USP31: variants seen among roughly 807,000 people sequenced by gnomAD.
The protein encoded by USP31 is ubiquitin carboxyl-terminal hydrolase 31.
Under a neutral mutation model 119.4 loss-of-function variants are expected in USP31, and 44 were observed. The observed-to-expected ratio is 0.37, with a 90% confidence interval of 0.29 to 0.47. USP31 has a LOEUF of 0.47. Among genes scored for constraint, USP31 ranks in the 20% least tolerant of loss-of-function variants. The pLI is 0.99. For missense variants in USP31, 1,643 were observed against 1,730.2 expected (o/e 0.95, Z 0.89); for synonymous variants, 749 against 705.6 (o/e 1.06, Z -0.97).
In USP31 at chr16:23,148,936, G is replaced by A. The variant is rs1471536718; in HGVS notation, c.335C>T (p.Ala112Val). 1.8e-6 allele frequency: 2 copies of A among 1,120,694 alleles called. No homozygotes were observed. The highest frequency in any genetic ancestry group is 1.7e-5 in the African/African-American group (1 of 59,852). 69.4% of individuals were successfully genotyped at this position (1,120,694 alleles called of 1,614,324 possible). A position where few individuals can be genotyped will look rare whatever the true frequency, so the allele number is the denominator to read the frequency against. ...PTPPPCPPPP[A>V]SPAPPACAAE... Reference sequence around the variant, plus strand: ...GGCGCAAGCGGGCGGCGCGGGAGAGGCGGGCGGCGGCGGGCACGGCGGCGG... The same window carrying A: ...GGCGCAAGCGGGCGGCGCGGGAGAGACGGGCGGCGGCGGGCACGGCGGCGG... Residue 112 changes from alanine to valine, a missense_variant, in exon 1 of 16, where the codon GCC becomes GTC. Transcript: ENST00000219689.
Position 23,068,596 on chromosome 16 carries a change from G to GCCA in USP31, c.3508_3509insTGG (p.Ser1169_Ala1170insVal). 6.2e-7 allele frequency: 1 copy of GCCA among 1,614,188 alleles called. No homozygotes were observed. Among genetic ancestry groups the GCCA allele is most frequent in the South Asian group, 1.1e-5 (1 of 91,088 alleles). On this transcript the variant is annotated inframe_insertion, in exon 16 of 16. Transcript: ENST00000219689. ...GGAATTGGGTTTGGAGGTGGAGGTG[G>GCCA]CGCTGGCTCTGTCAGAACCCAAGCT...
At chr16:23,097,396 A>G (rs992560518) in intron 6 of USP31, among the ~76,000 whole-genome samples, 1 of 152,198 alleles carries the variant, frequency 6.6e-6, no homozygotes, top group African/African-American at 2.4e-5. Flanking sequence ...TTCACAGCCA[A>G]ATTCTAGGAG....
In USP31 at chr16:23,108,009, G is replaced by A. The variant is rs368000229; in HGVS notation, c.771+37C>T. On this transcript the variant is annotated intron_variant, in intron 2 of 15. Transcript: ENST00000219689. ...AGTAGAAGAATCTACACACTCTCAT[G>A]GCTGGCTGACTGCCCTAGGGCAGCA... The A allele has an allele frequency of 5.7e-6, 9 of 1,581,140 alleles. No individual in the cohort carries two copies. In the African/African-American group the frequency reaches 9.5e-5, roughly 17 times the overall value.
At chr16:23,135,963 G>A (rs1353508899) in intron 1 of USP31, among the ~76,000 whole-genome samples, 2 of 151,966 alleles carry the variant, frequency 1.3e-5, no homozygotes, top group African/African-American at 2.4e-5. Flanking sequence ...AGAACAGTGG[G>A]GTAAAGATAC....
intron 1 of USP31, among the ~76,000 whole-genome samples, chr16:23,122,906 T>C (rs1902721734): frequency 6.6e-6 from 1 of 152,248 alleles, no homozygotes. Context: ...ATAATCGAAC[T>C]GTACACTAAA....
intron 15 of USP31, among the ~76,000 whole-genome samples, chr16:23,071,518 C>T (rs1337137594): frequency 6.6e-6 from 1 of 151,412 alleles, no homozygotes; most frequent in Non-Finnish European, 1.5e-5. Context: ...TTTTTACTAT[C>T]TCTATGCAAA....
chr16:23,130,270 A>G (rs939612709), intron 1 of USP31, among the ~76,000 whole-genome samples: 2 of 152,188 alleles, frequency 1.3e-5, no homozygotes, highest in African/African-American at 4.8e-5. Context: ...AACTTTAATA[A>G]GATTCATCTG....
At chr16:23,140,561 G>A (rs530389481) in intron 1 of USP31, among the ~76,000 whole-genome samples, 17 of 152,216 alleles carry the variant, frequency 1.1e-4, no homozygotes, top group African/African-American at 2.4e-4. Flanking sequence ...TTAGAATGTC[G>A]TCTCTCTTCC....
chr16:23,096,019 G>C (rs1354438285), intron 6 of USP31, among the ~76,000 whole-genome samples: 1 of 152,092 alleles, frequency 6.6e-6, no homozygotes, highest in African/African-American at 2.4e-5. Context: ...ATGTAAATGG[G>C]CTAAATGCCC....
chr16:23,115,307 G>A (rs1357352100), intron 1 of USP31, among the ~76,000 whole-genome samples: 1 of 152,094 alleles, frequency 6.6e-6, no homozygotes, highest in East Asian at 1.9e-4. Flanking sequence ...AATGTCCTCT[G>A]TAAATAGAAG....
chr16:23,068,529 G>A lies in USP31; in HGVS notation c.3576C>T (p.Ala1192=), dbSNP rs199966288. Residue 1192 remains alanine, a synonymous_variant, in exon 16 of 16, where the codon GCC becomes GCT. Transcript: ENST00000219689. ...SQARAGEGRG[A]GKHVRSSSMA... Reference sequence around the variant, plus strand: ...TGGAGGAGCTCCGCACGTGCTTCCCGGCCCCCCTGCCCTCCCCTGCTCGGG... The same window carrying A: ...TGGAGGAGCTCCGCACGTGCTTCCCAGCCCCCCTGCCCTCCCCTGCTCGGG... 61 of 1,613,764 alleles carry A rather than the reference G, an allele frequency of 3.8e-5. No homozygotes were observed. The highest frequency in any genetic ancestry group is 6.7e-5 in the East Asian group (3 of 44,852).
chr16:23,076,720 T>A (rs979655843), intron 13 of USP31, among the ~76,000 whole-genome samples: 1 of 152,206 alleles, frequency 6.6e-6, no homozygotes, highest in Non-Finnish European at 1.5e-5. Context: ...AACAATTTCT[T>A]CCCAGAAACT....
intron 1 of USP31, among the ~76,000 whole-genome samples, chr16:23,143,188 C>T (rs765511752): frequency 1.3e-5 from 2 of 152,192 alleles, no homozygotes; most frequent in Non-Finnish European, 2.9e-5. Context: ...ATTTGTTTCA[C>T]TGCAAATCTG....
intron 1 of USP31, among the ~76,000 whole-genome samples, chr16:23,124,260 C>A (rs1263928466): frequency 6.6e-6 from 1 of 152,136 alleles, no homozygotes; most frequent in African/African-American, 2.4e-5. Flanking sequence ...CACCAAGGAA[C>A]AACTGAGTAT....
intron 1 of USP31, among the ~76,000 whole-genome samples, chr16:23,135,865 T>C (rs1309039915): frequency 1.3e-5 from 2 of 152,146 alleles, no homozygotes; most frequent in Non-Finnish European, 2.9e-5. Context: ...CTCAAGACAC[T>C]GAAGCAAAAC....
At chr16:23,145,986 A>G (rs1903491909) in intron 1 of USP31, among the ~76,000 whole-genome samples, 1 of 152,242 alleles carries the variant, frequency 6.6e-6, no homozygotes. Flanking sequence ...CTGCCAAAGC[A>G]TGCCTATAAA....
At chr16:23,095,826 T>TG (rs1231944967) in intron 6 of USP31, among the ~76,000 whole-genome samples, 1 of 152,160 alleles carries the variant, frequency 6.6e-6, no homozygotes, top group Non-Finnish European at 1.5e-5. Flanking sequence ...AGGCCTGCCT[T>TG]ACAAGAGCTC....
Position 23,069,022 on chromosome 16 carries a change from C to A in USP31, c.3083G>T (p.Ser1028Ile), listed in dbSNP as rs750929002. Residue 1028 changes from serine to isoleucine, a missense_variant, in exon 16 of 16, where the codon AGT becomes ATT. By Grantham distance (142) the Ser-to-Ile change is moderately radical. Coordinates refer to ENST00000219689, the MANE Select transcript of USP31 (RefSeq NM_020718.4). The part of the protein sequence containing the change: ...KPESTTKRSP[S>I]SKGTSEPEKS... ...CTCTGGCTCAGAAGTGCCTTTGGAA[C>A]TGGGGGATCTCTTAGTTGTGCTCTC... 4 of 1,613,586 alleles carry A rather than the reference C, an allele frequency of 2.5e-6. No homozygotes were observed. In the African/African-American group the frequency reaches 5.3e-5, roughly 22 times the overall value.
Position 23,069,182 on chromosome 16 carries a change from G to A in USP31, c.2923C>T (p.Arg975Cys), listed in dbSNP as rs368857409. 79 of 1,613,992 alleles carry A rather than the reference G, an allele frequency of 4.9e-5. No individual in the cohort carries two copies. The highest frequency in any genetic ancestry group is 1.2e-4 in the Admixed American group (7 of 59,988). Residue 975 changes from arginine to cysteine, a missense_variant, in exon 16 of 16, where the codon CGC becomes TGC. By Grantham distance (180) the Arg-to-Cys change is radical (BLOSUM62 -3). Around this residue, in one of 5 missense-constraint regions of USP31, gnomAD observed 699 missense variants for 650.9 expected, o/e 1.07. Coordinates refer to ENST00000219689, the MANE Select transcript of USP31 (RefSeq NM_020718.4). ...AATGGACCAGAGAGCGGGGGCAGGCGGTCCCCTTGTGCTGAATGTTTGCTC... is the reference window on the plus strand; with the variant it reads ...AATGGACCAGAGAGCGGGGGCAGGCAGTCCCCTTGTGCTGAATGTTTGCTC... ...TQSKHSAQGD[R>C]LPPLSGPFDN...
Sources: allele counts gnomAD v4.1 joint callset (sites outside exome capture counted in the v4.1 genomes callset), GRCh38; gene constraint gnomAD v4.1.1; regional missense constraint gnomAD v4.1.1; transcripts MANE v1.5; gene names NCBI Gene and HGNC (gene_info 2026-07-23, HGNC 2026-07-21).